Variants in CYP4A11 observed in about 807,000 individuals in gnomAD.
CYP4A11 encodes the protein cytochrome P450 4A11.
A neutral mutation model predicts 57.7 loss-of-function variants in CYP4A11; 52 were observed. The ratio of observed to expected loss-of-function variants is 0.90; its 90% CI spans 0.72 to 1.14. The LOEUF (loss-of-function observed/expected upper bound fraction) is 1.14. CYP4A11 is among the 50% of genes most tolerant of loss of function. CYP4A11 has a pLI of 0.00. For synonymous variants in CYP4A11, 228 were observed against 247.1 expected (o/e 0.92, Z 0.72); for missense variants, 641 against 642.1 (o/e 1.00, Z 0.02).
intron 3 of CYP4A11, 38 bp from the exon 4 acceptor site, chr1:46,936,829 GTGT>G: frequency 6.4e-7 from 1 of 1,567,492 alleles, no homozygotes; most frequent in Non-Finnish European, 8.7e-7. Flanking sequence ...GTGTGTGTGT[GTGT>G]GTGTGTGTGT....
chr1:46,935,780 C>T (rs577649417), intron 4 of CYP4A11, 133 bp from the exon 5 acceptor site: 1 of 1,512,316 alleles, frequency 6.6e-7, no homozygotes, highest in African/African-American at 1.4e-5. Flanking sequence ...GGATTCCTCA[C>T]TTTACAGAGC....
chr1:46,931,367 A>T, intron 11 of CYP4A11: 1 of 282,854 alleles, frequency 3.5e-6, no homozygotes, highest in Non-Finnish European at 5.3e-6. Flanking sequence ...CACGCCACTC[A>T]GTGAGTGAAT....
chr1:46,934,222 G>C lies in CYP4A11; in HGVS notation c.1042C>G (p.Arg348Gly). 3.1e-6 allele frequency: 5 copies of C among 1,613,768 alleles called. No homozygotes were observed. The highest frequency in any genetic ancestry group is 4.2e-6 in the Non-Finnish European group (5 of 1,179,856). Residue 348 changes from arginine to glycine, a missense_variant, in exon 8 of 12, where the codon CGG becomes GGG. Transcript: ENST00000310638. ...ATHPKHQERC[R>G]EEIHSLLGDG... ...CCCAGGAGGCTGTGGATCTCCTCCC[G>C]GCACCTCTCCTGATGCTTGGGGTGT...
intron 1 of CYP4A11, among the ~76,000 whole-genome samples, chr1:46,939,897 G>A (rs1434219805): frequency 6.9e-6 from 1 of 145,342 alleles, no homozygotes; most frequent in African/African-American, 2.6e-5. Context: ...TCCATATAGG[G>A]TTAGAACTTT....
intron 3 of CYP4A11, 84 bp from the exon 4 acceptor site, chr1:46,936,875 T>C: frequency 1.3e-6 from 2 of 1,498,450 alleles, no homozygotes; most frequent in Non-Finnish European, 1.8e-6. Flanking sequence ...GGATGACTGG[T>C]GACAATTTGG....
chr1:46,935,238 C>T (rs1260487181), intron 5 of CYP4A11, 84 bp from the exon 6 acceptor site: 9 of 1,488,698 alleles, frequency 6.0e-6, no homozygotes, highest in African/African-American at 1.4e-5. Flanking sequence ...GAGGCAGCCT[C>T]GGATAATGGG....
At chr1:46,940,415 G>C (rs929415426) in intron 1 of CYP4A11, among the ~76,000 whole-genome samples, 1 of 152,218 alleles carries the variant, frequency 6.6e-6, no homozygotes, top group Non-Finnish European at 1.5e-5. Context: ...ACACACCTGA[G>C]CTGATCATCA....
Position 46,941,448 on chromosome 1 carries a change from T to C in CYP4A11, c.-15A>G, listed in dbSNP as rs760176380. On this transcript the variant is annotated 5_prime_UTR_variant, in exon 1 of 12. Transcript: ENST00000310638. ...GAGACACTCATGGTGCAGCACCTGC[T>C]GGATCTCTGAGTGCCCCTACCTCTC... is the stretch of plus-strand genomic sequence containing the variant. 3.1e-6 allele frequency: 5 copies of C among 1,611,282 alleles called. No individual in the cohort carries two copies. The highest frequency in any genetic ancestry group is 1.3e-5 in the African/African-American group (1 of 75,014).
chr1:46,934,005 C>A lies in CYP4A11; in HGVS notation c.1163G>T (p.Gly388Val), dbSNP rs770339224. 8.7e-6 allele frequency: 14 copies of A among 1,613,922 alleles called. No homozygotes were observed. In the East Asian group the frequency reaches 2.9e-4, roughly 33 times the overall value. The change falls in exon 9 of 12, where the codon GGC becomes GTC. Residue 388 changes from glycine to valine, a missense_variant. Coordinates refer to ENST00000310638, the MANE Select transcript of CYP4A11 (RefSeq NM_000778.4). ...EALRLYPPVP[G>V]IGRELSTPVT... ...GGGAGTGCTGAGCTCTCTGCCAATGCCTGGCACCGGTGGGTAGAGCCTCAG... is the reference window on the plus strand; with the variant it reads ...GGGAGTGCTGAGCTCTCTGCCAATGACTGGCACCGGTGGGTAGAGCCTCAG...
At position 46,930,179 on chromosome 1, in the gene CYP4A11, T is replaced by A; in HGVS notation, c.1496A>T (p.Lys499Ile). Residue 499 changes from lysine to isoleucine, a missense_variant, in exon 12 of 12, where the codon AAA (lysine) becomes ATA (isoleucine). Transcript: ENST00000310638. ...IPIARLVLKS[K>I]NGIHLRLRRL... is the part of the protein sequence containing the mutation. ...CCTGAGACGCAGGTGGATTCCATTTTTGGATTTCAACACAAGTCGTGCAAT... is the reference window on the plus strand; with the variant it reads ...CCTGAGACGCAGGTGGATTCCATTTATGGATTTCAACACAAGTCGTGCAAT... 2 of 1,614,034 alleles carry A rather than the reference T, an allele frequency of 1.2e-6. No individual in the cohort carries two copies. The highest frequency in any genetic ancestry group is 1.7e-6 in the Non-Finnish European group (2 of 1,179,962).
At chr1:46,941,184 T>A (rs1681727189) in intron 1 of CYP4A11, 55 bp downstream of exon 1, 2 of 1,565,248 alleles carry the variant, frequency 1.3e-6, no homozygotes, top group African/African-American at 1.4e-5. Context: ...GTGACCAGGG[T>A]CTCAGAGCCC....
chr1:46,937,160 T>C lies in CYP4A11; in HGVS notation c.382+142A>G, dbSNP rs9333003. ...TACCAGCATTAGGAAGGGGTGAGGGTCTTGTTAGAAGAAGGAAGTGAGGCT... is the reference window on the plus strand; with the variant it reads ...TACCAGCATTAGGAAGGGGTGAGGGCCTTGTTAGAAGAAGGAAGTGAGGCT... On this transcript the variant is annotated intron_variant, in intron 3 of 11. Transcript: ENST00000310638. The C allele has an allele frequency of 0.01, 10,339 of 1,029,986 alleles. 611 individuals are homozygous for C. The African/African-American group carries it at 0.13, about 13-fold the overall frequency. 63.8% of individuals were successfully genotyped at this position (1,029,986 alleles called of 1,614,324 possible).
intron 9 of CYP4A11, among the ~76,000 whole-genome samples, chr1:46,933,684 G>A (rs888878550): frequency 6.6e-6 from 1 of 152,164 alleles, no homozygotes; most frequent in Admixed American, 6.5e-5. Flanking sequence ...TTCCAGCCCT[G>A]CACATCTCAG....
In CYP4A11 at chr1:46,936,721, G is replaced by C; in HGVS notation, c.453C>G (p.His151Gln). The change falls in exon 4 of 12, where the codon CAC (histidine) becomes CAG (glutamine). Residue 151 changes from histidine (H) to glutamine (Q), a missense_variant. Coordinates refer to ENST00000310638, the MANE Select transcript of CYP4A11 (RefSeq NM_000778.4). ...QHRRMLTPAF[H>Q]YDILKPYVGL... ...CCACATAGGGCTTCAGGATGTCATA[G>C]TGGAAGGCTGGGGTCAGCATCCGTC... 1 of 1,614,036 alleles carries C rather than the reference G, an allele frequency of 6.2e-7. No homozygotes were observed. Among genetic ancestry groups the C allele is most frequent in the Non-Finnish European group, 8.5e-7 (1 of 1,179,978 alleles).
chr1:46,941,469 C>A lies in CYP4A11; in HGVS notation c.-36G>T, dbSNP rs750049317. The A allele has an allele frequency of 6.2e-6, 10 of 1,600,858 alleles. No homozygotes were observed. Among genetic ancestry groups the A allele is most frequent in the Non-Finnish European group, 7.7e-6 (9 of 1,171,570 alleles). ...CTGCTGGATCTCTGAGTGCCCCTAC[C>A]TCTCTCTGACCACCCCCGTCCCCCT... is the stretch of plus-strand genomic sequence containing the variant. On this transcript the variant is annotated 5_prime_UTR_variant, in exon 1 of 12. It adds an upstream start codon to the 5' untranslated region. Transcript: ENST00000310638.
At position 46,935,088 on chromosome 1, in the gene CYP4A11, A is replaced by G. The variant is rs201947604; in HGVS notation, c.702T>C (p.Asn234=). Residue 234 remains asparagine (N), a synonymous_variant, in exon 6 of 12, where the codon AAT becomes AAC. Transcript: ENST00000310638. ...AGATGGTGTCATTCTGGTGAAAGGC[A>G]TTCCTCACACGGGAAAAAACCAGGT... ...LNNLVFSRVR[N]AFHQNDTIYS... is the part of the protein sequence containing the mutation. 1.9e-6 allele frequency: 3 copies of G among 1,614,026 alleles called. No homozygotes were observed. The highest frequency in any genetic ancestry group is 2.5e-6 in the Non-Finnish European group (3 of 1,180,048).
At chr1:46,937,453 C>T in intron 2 of CYP4A11, 107 bp from the exon 3 acceptor site, 3 of 1,196,066 alleles carry the variant, frequency 2.5e-6, no homozygotes, top group East Asian at 2.4e-5. Context: ...TGACCCATGT[C>T]ACCTCCCACT....
intron 2 of CYP4A11, 41 bp from the exon 3 acceptor site, chr1:46,937,387 C>T (rs757197534): frequency 6.2e-7 from 1 of 1,601,848 alleles, no homozygotes; most frequent in Non-Finnish European, 8.6e-7. Flanking sequence ...CTAGGAGTTA[C>T]TAAGAAGGCA....
At chr1:46,930,332 A>G (rs769463580) in intron 11 of CYP4A11, 22 bp from the exon 12 acceptor site, 64 of 1,600,996 alleles carry the variant, frequency 4.0e-5, no homozygotes, top group Non-Finnish European at 5.1e-5. Context: ...GGAGATAATG[A>G]ATTGAGAAGT....
Sources: gnomAD v4.1 joint callset for allele counts (sites outside exome capture counted in the v4.1 genomes callset) on GRCh38, gnomAD v4.1.1 for gene constraint, MANE v1.5 for transcripts, NCBI Gene and HGNC (gene_info 2026-07-23, HGNC 2026-07-21) for gene names.